Variants in NEGR1 observed in about 807,000 individuals in gnomAD.
NEGR1 encodes IgLON family member 4.
Under a neutral mutation model 40.9 loss-of-function variants are expected in NEGR1, and 10 were observed. That is an observed-to-expected ratio of 0.24 (90% CI 0.15 to 0.42). NEGR1 has a LOEUF of 0.42. Ranked by LOEUF, NEGR1 falls within the 10% of genes least tolerant of loss-of-function variation. The pLI is 1.00. For synonymous variants in NEGR1, 185 were observed against 166.8 expected, an observed-to-expected ratio of 1.11 and a Z score of -0.84; for missense variants, 352 against 438.9, an observed-to-expected ratio of 0.80 and a Z score of 1.77.
chr1:72,241,565 T>G (rs1654746051), intron 1 of NEGR1, among the ~76,000 whole-genome samples: 1 of 151,680 alleles, frequency 6.6e-6, no homozygotes, highest in Admixed American at 6.6e-5. Context: ...AATCCTTTTA[T>G]TCTTACACAG....
chr1:71,943,044 A>G lies in NEGR1; in HGVS notation c.177-7733T>C, dbSNP rs60302971. 7.4e-5 allele frequency among the ~76,000 whole-genome samples: 10 copies of G among 134,992 alleles called. No homozygotes were observed. The South Asian group carries it at 2.2e-3, about 30-fold the overall frequency. 88.6% of individuals were successfully genotyped at this position (134,992 alleles called of 152,430 possible). On this transcript the variant is annotated intron_variant, in intron 1 of 6. Coordinates refer to ENST00000357731, the MANE Select transcript of NEGR1 (RefSeq NM_173808.3). ...TATATATATACACACATACATATAT[A>G]TGTGTATATATATGTGTGTGTATAT...
At chr1:72,032,814 G>A (rs1005230774) in intron 1 of NEGR1, among the ~76,000 whole-genome samples, 1 of 151,974 alleles carries the variant, frequency 6.6e-6, no homozygotes, top group African/African-American at 2.4e-5. Context: ...TAGGTGAGTA[G>A]ACTCCAGCAA....
chr1:71,688,695 G>A (rs1653148657), intron 4 of NEGR1, among the ~76,000 whole-genome samples: 1 of 151,854 alleles, frequency 6.6e-6, no homozygotes, highest in South Asian at 2.1e-4. Context: ...AACCTGAGGT[G>A]ATCCACCTTC....
intron 4 of NEGR1, among the ~76,000 whole-genome samples, chr1:71,656,057 T>A (rs2101586442): frequency 6.6e-6 from 1 of 152,324 alleles, no homozygotes; most frequent in South Asian, 2.1e-4. Flanking sequence ...CATTTATAAC[T>A]GAAGAAAATG....
intron 3 of NEGR1, among the ~76,000 whole-genome samples, chr1:71,770,112 G>T (rs1367097204): frequency 6.6e-6 from 1 of 152,040 alleles, no homozygotes; most frequent in Non-Finnish European, 1.5e-5. Flanking sequence ...CTTCACACTA[G>T]GAATTTTGAA....
At chr1:71,604,961 T>A (rs1436979163) in intron 5 of NEGR1, among the ~76,000 whole-genome samples, 1 of 152,178 alleles carries the variant, frequency 6.6e-6, no homozygotes. Flanking sequence ...GGTACACAGC[T>A]TTTAAACTAG....
intron 1 of NEGR1, among the ~76,000 whole-genome samples, chr1:72,274,095 T>C (rs2100562461): frequency 6.6e-6 from 1 of 151,784 alleles, no homozygotes; most frequent in East Asian, 1.9e-4. Context: ...GTCAAGTCAA[T>C]ACTGCATTGC....
chr1:71,782,533 C>T (rs1200752178), intron 2 of NEGR1, among the ~76,000 whole-genome samples: 11 of 152,066 alleles, frequency 7.2e-5, no homozygotes, highest in Admixed American at 7.2e-4. Flanking sequence ...ATCTGTATCT[C>T]TTCATAGAAT....
intron 3 of NEGR1, among the ~76,000 whole-genome samples, chr1:71,713,729 C>A (rs1238629413): frequency 1.3e-5 from 2 of 152,114 alleles, no homozygotes; most frequent in Non-Finnish European, 2.9e-5. Context: ...TGTCACACCA[C>A]CTTGACAATG....
At chr1:71,503,903 G>A (rs187582179) in intron 6 of NEGR1, among the ~76,000 whole-genome samples, 6 of 151,642 alleles carry the variant, frequency 4.0e-5, no homozygotes, top group African/African-American at 1.2e-4. Context: ...CTCGCCAGCT[G>A]AACAAAAATT....
At chr1:71,971,292 G>T (rs560438342) in intron 1 of NEGR1, among the ~76,000 whole-genome samples, 48 of 152,156 alleles carry the variant, frequency 3.2e-4, no homozygotes, top group African/African-American at 1.0e-3. Context: ...TTTTTGTTTT[G>T]CTTTTTCTTT....
At chr1:71,590,468 T>C (rs1383665867) in intron 6 of NEGR1, among the ~76,000 whole-genome samples, 1 of 152,030 alleles carries the variant, frequency 6.6e-6, no homozygotes, top group Non-Finnish European at 1.5e-5. Flanking sequence ...TCCTTCAGGA[T>C]GGGGTTCCAG....
intron 5 of NEGR1, among the ~76,000 whole-genome samples, chr1:71,605,446 A>T (rs10493485): frequency 0.25 from 38,212 of 152,066 alleles, 6,001 homozygotes; most frequent in East Asian, 0.56. Flanking sequence ...ATCTAAGACA[A>T]GACGGTAATA....
intron 1 of NEGR1, among the ~76,000 whole-genome samples, chr1:72,279,330 T>G (rs2100569798): frequency 6.6e-6 from 1 of 152,292 alleles, no homozygotes; most frequent in South Asian, 2.1e-4. Context: ...ACCTTTAAAC[T>G]TCTGTTTTAT....
intron 2 of NEGR1, among the ~76,000 whole-genome samples, chr1:71,922,966 A>G (rs766693843): frequency 3.3e-5 from 5 of 152,174 alleles, no homozygotes; most frequent in Non-Finnish European, 7.3e-5. Context: ...CTTAAGAAAA[A>G]GAATACTGAT....
In NEGR1 at chr1:72,143,358, C is replaced by T. The variant is rs150043652; in HGVS notation, c.176+138961G>A. ...CTGAGCCAGTCATGCCCAAATATTCCTTCCATGTTCACAAATCAAGACAGT... is the reference window on the plus strand; with the variant it reads ...CTGAGCCAGTCATGCCCAAATATTCTTTCCATGTTCACAAATCAAGACAGT... On this transcript the variant is annotated intron_variant, in intron 1 of 6. Coordinates refer to ENST00000357731, the MANE Select transcript of NEGR1 (RefSeq NM_173808.3). 4.8e-3 allele frequency among the ~76,000 whole-genome samples: 727 copies of T among 151,910 alleles called. 9 individuals carry two copies. The highest frequency in any genetic ancestry group is 0.017 in the African/African-American group (703 of 41,534).
rs575124293 is a variant in NEGR1, at chr1:71,879,071, T to C, written c.409+56008A>G. 2.6e-3 allele frequency among the ~76,000 whole-genome samples: 395 copies of C among 151,368 alleles called. 2 individuals are homozygous for C. Among genetic ancestry groups the C allele is most frequent in the Non-Finnish European group, 2.7e-3 (182 of 67,886 alleles). ...TCACTTGAACCCGGGAGGCAGAGGTTGTGGTGAGCTGAGATCGCGCCATTG... is the reference window on the plus strand; with the variant it reads ...TCACTTGAACCCGGGAGGCAGAGGTCGTGGTGAGCTGAGATCGCGCCATTG... On this transcript the variant is annotated intron_variant, in intron 2 of 6. Transcript: ENST00000357731.
intron 6 of NEGR1, among the ~76,000 whole-genome samples, chr1:71,563,009 A>C (rs1404533094): frequency 6.6e-6 from 1 of 151,964 alleles, no homozygotes; most frequent in African/African-American, 2.4e-5. Flanking sequence ...CATGATCACC[A>C]ATGTCAATAG....
At chr1:71,545,652 C>A (rs965196017) in intron 6 of NEGR1, among the ~76,000 whole-genome samples, 1 of 151,400 alleles carries the variant, frequency 6.6e-6, no homozygotes, top group Non-Finnish European at 1.5e-5. Flanking sequence ...TCATTGTGTG[C>A]CAAATCTCTC....
Sources: allele counts gnomAD v4.1 joint callset (sites outside exome capture counted in the v4.1 genomes callset), GRCh38; gene constraint gnomAD v4.1.1; transcripts MANE v1.5; gene names NCBI Gene and HGNC (gene_info 2026-07-23, HGNC 2026-07-21).